ZFHX4: variants seen among roughly 807,000 people sequenced by gnomAD.
The protein encoded by ZFHX4 is zinc finger homeobox protein 4.
In ZFHX4, 56 loss-of-function variants were observed where a neutral mutation model predicts 267.6. The observed-to-expected ratio is 0.21, with a 90% CI of 0.17 to 0.26. ZFHX4 has a LOEUF of 0.26. Among genes scored for constraint, ZFHX4 ranks in the 10% least tolerant of loss-of-function variants. The probability of loss-of-function intolerance (pLI) is 1.00; values close to 1 mark genes in which losing one functional copy is unlikely to be tolerated. For missense variants in ZFHX4, 4,332 were observed against 4,420.0 expected, an observed-to-expected ratio of 0.98 and a Z score of 0.56; for synonymous variants, 1,778 against 1,665.6, an observed-to-expected ratio of 1.07 and a Z score of -1.64.
chr8:76,787,638 TAAAAAAA>T (rs748402870), intron 4 of ZFHX4, among the ~76,000 whole-genome samples: 5 of 62,192 alleles, frequency 8.0e-5, no homozygotes, highest in Non-Finnish European at 1.6e-4. Flanking sequence ...CCATCTCCAC[TAAAAAAA>T]AAAAAAAAAA....
chr8:76,845,285 C>A lies in ZFHX4; in HGVS notation c.3511+2514C>A, dbSNP rs768505404. On this transcript the variant is annotated intron_variant, in intron 6 of 10. Transcript: ENST00000651372. ...ATATTGTCATTTAAATCTAGTGCCA[C>A]TTTAGATTAATTATAATCCAAATTA... is the stretch of plus-strand genomic sequence containing the variant. Among the ~76,000 whole-genome samples the A allele has an allele frequency of 2.2e-4, 34 of 152,034 alleles. 1 individual carries two copies. Among genetic ancestry groups the A allele is most frequent in the Admixed American group, 3.9e-4 (6 of 15,244 alleles).
intron 5 of ZFHX4, among the ~76,000 whole-genome samples, chr8:76,839,110 G>T (rs1316575064): frequency 7.0e-6 from 1 of 143,280 alleles, no homozygotes; most frequent in African/African-American, 2.6e-5. Context: ...AAGGACAATG[G>T]GAAATAAGTA....
intron 4 of ZFHX4, among the ~76,000 whole-genome samples, chr8:76,823,895 T>C (rs976423441): frequency 1.4e-4 from 21 of 152,254 alleles, no homozygotes; most frequent in Non-Finnish European, 2.1e-4. Flanking sequence ...GTAGTAGCGA[T>C]GCATTCCATG....
chr8:76,718,653 T>G (rs1808639880), intron 3 of ZFHX4, among the ~76,000 whole-genome samples: 1 of 152,076 alleles, frequency 6.6e-6, no homozygotes, highest in African/African-American at 2.4e-5. Flanking sequence ...TAAAATGAGA[T>G]TTTTGAAGAG....
chr8:76,738,712 TTC>T (rs571087005), intron 3 of ZFHX4, among the ~76,000 whole-genome samples: 97 of 123,716 alleles, frequency 7.8e-4, no homozygotes, highest in African/African-American at 1.7e-3. Flanking sequence ...CTCTCTCTCT[TTC>T]TCTCTCTCTC....
intron 4 of ZFHX4, among the ~76,000 whole-genome samples, chr8:76,785,195 A>G (rs1051621194): frequency 2.0e-5 from 3 of 152,130 alleles, no homozygotes; most frequent in Non-Finnish European, 4.4e-5. Flanking sequence ...TGTAATGTTT[A>G]TAGACTGTAC....
At chr8:76,708,307 A>G (rs1430153349) in intron 3 of ZFHX4, 1 of 503,132 alleles carries the variant, frequency 2.0e-6, no homozygotes, top group East Asian at 3.6e-5. Flanking sequence ...CCCAAAATAA[A>G]AGAATTTGGG....
intron 1 of ZFHX4, among the ~76,000 whole-genome samples, chr8:76,690,010 G>A (rs1419248103): frequency 2.6e-5 from 4 of 152,006 alleles, no homozygotes; most frequent in South Asian, 4.1e-4. Context: ...ACGTGTTTTG[G>A]TCACTCAGGT....
At chr8:76,723,072 T>C (rs1808766728) in intron 3 of ZFHX4, among the ~76,000 whole-genome samples, 1 of 152,058 alleles carries the variant, frequency 6.6e-6, no homozygotes, top group Non-Finnish European at 1.5e-5. Flanking sequence ...CAATATACAT[T>C]CTTTCTTAGA....
At chr8:76,709,802 C>CGT (rs34448728) in intron 3 of ZFHX4, among the ~76,000 whole-genome samples, 17,354 of 140,068 alleles carry the variant, frequency 0.12, 1,376 homozygotes, top group African/African-American at 0.26. Context: ...CGTGTGTGTG[C>CGT]GTGTGTGTGT....
At chr8:76,721,059 G>A (rs1048331563) in intron 3 of ZFHX4, among the ~76,000 whole-genome samples, 11 of 152,098 alleles carry the variant, frequency 7.2e-5, no homozygotes, top group African/African-American at 2.7e-4. Context: ...TGGGAATACA[G>A]GTGCAACTGT....
intron 5 of ZFHX4, among the ~76,000 whole-genome samples, chr8:76,837,535 A>C (rs990558081): frequency 6.6e-6 from 1 of 151,828 alleles, no homozygotes; most frequent in Non-Finnish European, 1.5e-5. Flanking sequence ...AGACAAAATC[A>C]AACACCCCTT....
chr8:76,861,321 G>A (rs977763095), intron 10 of ZFHX4, among the ~76,000 whole-genome samples: 4 of 152,132 alleles, frequency 2.6e-5, no homozygotes, highest in African/African-American at 9.7e-5. Context: ...AGTGACAGCT[G>A]TAAAATTTAG....
In ZFHX4 at chr8:76,866,527, TAA is replaced by T. The variant is rs1813036593; in HGVS notation, c.*1963_*1964del. 6.6e-6 allele frequency: 1 copy of T among 152,468 alleles called. No homozygotes were observed. Among genetic ancestry groups the T allele is most frequent in the East Asian group, 1.9e-4 (1 of 5,158 alleles). The allele number at this position is 152,468 out of a possible 1,614,324, so 9.4% of individuals were successfully genotyped here. On this transcript the variant is annotated 3_prime_UTR_variant, in exon 11 of 11. Transcript: ENST00000651372. ...AAGACACTTTTTTGATTGTGTTTCG[TAA>T]GAGACAACATGGCCTCCTAAGGTGC...
chr8:76,728,756 C>T (rs372479533), intron 3 of ZFHX4, among the ~76,000 whole-genome samples: 4 of 151,974 alleles, frequency 2.6e-5, no homozygotes, highest in African/African-American at 9.7e-5. Context: ...TGGGAGAGCA[C>T]CCCCCCAATC....
At chr8:76,796,448 A>G (rs899322889) in intron 4 of ZFHX4, among the ~76,000 whole-genome samples, 2 of 152,168 alleles carry the variant, frequency 1.3e-5, no homozygotes, top group Non-Finnish European at 1.5e-5. Flanking sequence ...TTGATGCTTT[A>G]TTACAGATAC....
chr8:76,827,707 C>T (rs892458400), intron 4 of ZFHX4, among the ~76,000 whole-genome samples: 4 of 152,072 alleles, frequency 2.6e-5, no homozygotes, highest in Non-Finnish European at 4.4e-5. Context: ...CCCATTACAC[C>T]GAGGTCATAG....
intron 1 of ZFHX4, among the ~76,000 whole-genome samples, chr8:76,686,108 A>C (rs1197545479): frequency 1.3e-5 from 2 of 152,212 alleles, no homozygotes; most frequent in African/African-American, 4.8e-5. Context: ...TATGGTCTTA[A>C]ACCCTCTGGA....
intron 4 of ZFHX4, among the ~76,000 whole-genome samples, chr8:76,785,335 T>C (rs1353469431): frequency 1.3e-5 from 2 of 152,092 alleles, no homozygotes; most frequent in Non-Finnish European, 2.9e-5. Context: ...TCTTTAAATG[T>C]TGTCTACAGA....
Sources: gnomAD v4.1 joint callset for allele counts (sites outside exome capture counted in the v4.1 genomes callset) on GRCh38, gnomAD v4.1.1 for gene constraint, MANE v1.5 for transcripts, NCBI Gene and HGNC (gene_info 2026-07-23, HGNC 2026-07-21) for gene names.